The following RBFOX1 variants were observed in gnomAD, a reference collection of about 807,000 sequenced individuals.
RBFOX1 encodes the protein RNA binding protein fox-1 homolog 1.
A neutral mutation model predicts 57.7 loss-of-function variants in RBFOX1; 8 were observed. The observed-to-expected ratio is 0.14, with a 90% CI of 0.08 to 0.25. RBFOX1 has a LOEUF of 0.25. Among genes scored for constraint, RBFOX1 ranks in the 10% least tolerant of loss-of-function variants. The probability of loss-of-function intolerance (pLI) is 1.00; values close to 1 mark genes in which losing one functional copy is unlikely to be tolerated. For missense variants in RBFOX1, 611 were observed against 548.5 expected (o/e 1.11, Z -1.14); for synonymous variants, 326 against 222.4 (o/e 1.47, Z -4.15).
At chr16:7,047,047 C>CTT (rs57082046) in intron 3 of RBFOX1, among the ~76,000 whole-genome samples, 1,691 of 124,408 alleles carry the variant, frequency 0.014, 86 homozygotes, top group Non-Finnish European at 0.02. Flanking sequence ...ATGCAATTTC[C>CTT]TTTTTTTTTT....
intron 4 of RBFOX1, among the ~76,000 whole-genome samples, chr16:5,942,293 G>C (rs1421294356): frequency 1.3e-5 from 2 of 152,266 alleles, no homozygotes; most frequent in African/African-American, 4.8e-5. Flanking sequence ...AATGGGTGCT[G>C]CTTATTGGTT....
chr16:6,803,964 C>G (rs370242411), intron 3 of RBFOX1, among the ~76,000 whole-genome samples: 1 of 151,876 alleles, frequency 6.6e-6, no homozygotes, highest in Non-Finnish European at 1.5e-5. Flanking sequence ...AATATTTGCA[C>G]GTTATAACAT....
At chr16:6,760,966 TAGCTCTCTCCCTAAAAGTTGACTG>T in intron 3 of RBFOX1, among the ~76,000 whole-genome samples, 1 of 152,324 alleles carries the variant, frequency 6.6e-6, no homozygotes, top group South Asian at 2.1e-4. Flanking sequence ...GAGATCTTCT[TAGCTCTCTCCCTAAAAGTTGACTG>T]AGCCATCTTT....
At chr16:6,600,918 G>A (rs1236714534) in intron 2 of RBFOX1, among the ~76,000 whole-genome samples, 1 of 152,138 alleles carries the variant, frequency 6.6e-6, no homozygotes, top group Non-Finnish European at 1.5e-5. Context: ...ACTAAACAAA[G>A]TCCCTCAGGT....
At chr16:7,149,309 C>G (rs760532134) in intron 4 of RBFOX1, among the ~76,000 whole-genome samples, 6 of 152,026 alleles carry the variant, frequency 3.9e-5, no homozygotes, top group South Asian at 2.1e-4. Flanking sequence ...TCATACCACT[C>G]AGGATGCAGG....
At chr16:7,164,318 G>C (rs1270560319) in intron 4 of RBFOX1, among the ~76,000 whole-genome samples, 1 of 152,128 alleles carries the variant, frequency 6.6e-6, no homozygotes, top group Non-Finnish European at 1.5e-5. Context: ...TGGCTGAATA[G>C]TATTCCATGG....
In RBFOX1 at chr16:6,380,312, G is replaced by A. The variant is rs538977436; in HGVS notation, c.-64+63255G>A. On this transcript the variant is annotated intron_variant, in intron 2 of 15. Coordinates refer to ENST00000550418, the MANE Select transcript of RBFOX1 (RefSeq NM_018723.4). ...TCTCCTTGGAAAGAGAACAGTGACG[G>A]TGGTGGAGGCAGCAAAGGGAACACT... Among the ~76,000 whole-genome samples, 23 of 151,556 alleles carry A rather than the reference G, an allele frequency of 1.5e-4. 2 individuals carry two copies. Among genetic ancestry groups the A allele is most frequent in the East Asian group, 1.4e-3 (7 of 5,144 alleles).
intron 4 of RBFOX1, among the ~76,000 whole-genome samples, chr16:5,867,986 A>G (rs764961999): frequency 1.3e-5 from 2 of 152,162 alleles, no homozygotes; most frequent in Non-Finnish European, 2.9e-5. Context: ...TGCAGGGATT[A>G]TAGGTGTGAG....
At chr16:6,869,356 C>A (rs1315885503) in intron 3 of RBFOX1, among the ~76,000 whole-genome samples, 2 of 152,106 alleles carry the variant, frequency 1.3e-5, no homozygotes, top group African/African-American at 4.8e-5. Flanking sequence ...TTCACAAATC[C>A]CATAGTTGTA....
intron 3 of RBFOX1, among the ~76,000 whole-genome samples, chr16:5,691,800 A>G (rs79925970): frequency 0.012 from 1,805 of 152,260 alleles, 34 homozygotes; most frequent in African/African-American, 0.04. Context: ...AGAGGAAACG[A>G]GGTTCAGAAG....
rs117829931 is a variant in RBFOX1 at position 6,417,364 on chromosome 16, A to G, written c.-64+100307A>G. Among the ~76,000 whole-genome samples, 1,285 of 149,468 alleles carry G rather than the reference A, an allele frequency of 8.6e-3. 11 individuals are homozygous for G. The highest frequency in any genetic ancestry group is 0.014 in the Non-Finnish European group (975 of 67,636). ...GGCCCTCTCTACTGATTCTATGTTT[A>G]TACTTGATCAAATAAGAGTTTCAGT... On this transcript the variant is annotated intron_variant, in intron 2 of 15. Coordinates refer to ENST00000550418, the MANE Select transcript of RBFOX1 (RefSeq NM_018723.4).
chr16:6,119,914 G>A (rs2152628577), intron 1 of RBFOX1, among the ~76,000 whole-genome samples: 1 of 152,286 alleles, frequency 6.6e-6, no homozygotes, highest in East Asian at 1.9e-4. Flanking sequence ...AGGAGACCCT[G>A]TATCCAGTAA....
At chr16:7,162,615 G>C (rs1293108239) in intron 4 of RBFOX1, among the ~76,000 whole-genome samples, 1 of 150,346 alleles carries the variant, frequency 6.7e-6, no homozygotes, top group Non-Finnish European at 1.5e-5. Flanking sequence ...TGTAATCCCA[G>C]CTACTGGGGA....
At chr16:5,451,200 C>T (rs2068416574) in intron 1 of RBFOX1, among the ~76,000 whole-genome samples, 1 of 152,092 alleles carries the variant, frequency 6.6e-6, no homozygotes, top group Non-Finnish European at 1.5e-5. Flanking sequence ...TGATTGGTTC[C>T]AGTTGTTAAT....
In RBFOX1 at chr16:5,362,657, A is replaced by T. The variant is rs113982140; in HGVS notation, c.220-104559A>T. ...GATTGCAGGCGTGAGCCACCGCGCC[A>T]GGCCACATCACTGACACTTTATACC... On this transcript the variant is annotated intron_variant, in intron 1 of 2. Coordinates refer to the RBFOX1 transcript ENST00000585867. Among the ~76,000 whole-genome samples, 80 of 152,138 alleles carry T rather than the reference A, an allele frequency of 5.3e-4. No homozygotes were observed. In the Middle Eastern group the frequency reaches 0.014, roughly 26 times the overall value.
chr16:7,127,079 T>G (rs1159564812), intron 4 of RBFOX1, among the ~76,000 whole-genome samples: 1 of 151,960 alleles, frequency 6.6e-6, no homozygotes, highest in African/African-American at 2.4e-5. Flanking sequence ...AGACCCCTTT[T>G]GTTTAAACAG....
At chr16:7,112,259 G>A (rs1338452614) in intron 4 of RBFOX1, among the ~76,000 whole-genome samples, 2 of 152,094 alleles carry the variant, frequency 1.3e-5, no homozygotes, top group Admixed American at 6.5e-5. Context: ...CTGGAGTGCA[G>A]TGGTGCAATC....
intron 13 of RBFOX1, among the ~76,000 whole-genome samples, chr16:7,670,280 C>T (rs1451282425): frequency 6.6e-6 from 1 of 152,192 alleles, no homozygotes; most frequent in Non-Finnish European, 1.5e-5. Context: ...GATCCAGCTG[C>T]CTTGGCCTCC....
intron 2 of RBFOX1, among the ~76,000 whole-genome samples, chr16:6,590,667 A>G (rs1275220373): frequency 6.6e-6 from 1 of 152,214 alleles, no homozygotes; most frequent in Non-Finnish European, 1.5e-5. Context: ...CATTCAGAGG[A>G]TATTTACATG....
Sources: allele counts gnomAD v4.1 joint callset (sites outside exome capture counted in the v4.1 genomes callset), GRCh38; gene constraint gnomAD v4.1.1; transcripts MANE v1.5; gene names NCBI Gene and HGNC (gene_info 2026-07-23, HGNC 2026-07-21).